EYS: variants seen among roughly 807,000 people sequenced by gnomAD.
The protein encoded by EYS is protein eyes shut homolog.
In EYS, 250 loss-of-function variants were observed where a neutral mutation model predicts 282.1. The ratio of observed to expected loss-of-function variants is 0.89; its 90% CI spans 0.80 to 0.98. EYS has a LOEUF of 0.98. EYS is among the 50% of genes least tolerant of loss of function. The pLI is 0.00. For missense variants in EYS, 4,016 were observed against 3,709.0 expected (o/e 1.08, Z -2.15); for synonymous variants, 1,355 against 1,282.9 (o/e 1.06, Z -1.20).
intron 31 of EYS, among the ~76,000 whole-genome samples, chr6:64,145,829 A>C (rs1774500957): frequency 6.6e-6 from 1 of 152,154 alleles, no homozygotes; most frequent in Non-Finnish European, 1.5e-5. Context: ...GCTGTCATCC[A>C]ATAATGACTT....
At chr6:65,682,664 C>T (rs750165100) in intron 1 of EYS, among the ~76,000 whole-genome samples, 11 of 151,834 alleles carry the variant, frequency 7.2e-5, no homozygotes, top group South Asian at 2.1e-4. Context: ...TCATGCTCTC[C>T]GGGAGCTCCA....
At chr6:65,500,602 T>G (rs934422452) in intron 2 of EYS, among the ~76,000 whole-genome samples, 2 of 151,974 alleles carry the variant, frequency 1.3e-5, no homozygotes, top group African/African-American at 4.8e-5. Context: ...AAAATAGAGT[T>G]AAAATCTCAT....
chr6:64,556,556 T>C (rs1428901159), intron 26 of EYS, among the ~76,000 whole-genome samples: 3 of 151,978 alleles, frequency 2.0e-5, no homozygotes, highest in Non-Finnish European at 4.4e-5. Context: ...TGATTATATG[T>C]AAACTATACA....
intron 33 of EYS, among the ~76,000 whole-genome samples, chr6:64,029,302 T>C (rs1288878825): frequency 6.6e-6 from 1 of 152,190 alleles, no homozygotes; most frequent in Non-Finnish European, 1.5e-5. Context: ...GAAATTGATG[T>C]AGTAGCAAAA....
At chr6:64,989,399 A>ATATATATATATATATATATATATG (rs1770973574) in intron 14 of EYS, among the ~76,000 whole-genome samples, 1 of 119,372 alleles carries the variant, frequency 8.4e-6, no homozygotes, top group Non-Finnish European at 1.7e-5. Flanking sequence ...GCTGTAATAT[A>ATATATATATATATATATATATATG]TATATATATA....
chr6:64,620,607 C>T (rs558317038), intron 23 of EYS, among the ~76,000 whole-genome samples: 4 of 152,036 alleles, frequency 2.6e-5, no homozygotes, highest in Non-Finnish European at 4.4e-5. Flanking sequence ...TGAAGAAACA[C>T]GTAAGATGAA....
intron 26 of EYS, among the ~76,000 whole-genome samples, chr6:64,481,715 C>T (rs894454827): frequency 1.1e-4 from 17 of 151,438 alleles, no homozygotes; most frequent in African/African-American, 4.1e-4. Flanking sequence ...CAAAGAATCT[C>T]GGTGTTACAT....
At chr6:64,421,157 C>T (rs1163404129) in intron 28 of EYS, among the ~76,000 whole-genome samples, 3 of 152,082 alleles carry the variant, frequency 2.0e-5, no homozygotes, top group South Asian at 2.1e-4. Context: ...GGGGAGGCCA[C>T]AAGAAACTTA....
At chr6:64,864,673 T>C (rs1449408656) in intron 19 of EYS, among the ~76,000 whole-genome samples, 1 of 151,284 alleles carries the variant, frequency 6.6e-6, no homozygotes, top group Non-Finnish European at 1.5e-5. Context: ...CGTGAGCCAC[T>C]GTGTCTGGCC....
In EYS at chr6:65,347,281, G is replaced by C. The variant is rs969748957; in HGVS notation, c.1460-3104C>G. 2.0e-5 allele frequency among the ~76,000 whole-genome samples: 3 copies of C among 151,612 alleles called. No individual in the cohort carries two copies. The East Asian group carries it at 5.8e-4, about 29-fold the overall frequency. ...GCTTAGCATTTTCCCCACATATTTA[G>C]GGATACTCTCTGTGTCTTCGTATGT... On this transcript the variant is annotated intron_variant, in intron 9 of 42. Coordinates refer to ENST00000503581, the MANE Select transcript of EYS (RefSeq NM_001142800.2).
chr6:64,237,191 A>G (rs1022903652), intron 30 of EYS, among the ~76,000 whole-genome samples: 2 of 152,220 alleles, frequency 1.3e-5, no homozygotes, highest in Admixed American at 6.5e-5. Context: ...TTCTTTATTA[A>G]TAAGTGTCAT....
chr6:65,442,116 T>A (rs1768351930), intron 5 of EYS, among the ~76,000 whole-genome samples: 1 of 151,672 alleles, frequency 6.6e-6, no homozygotes, highest in Non-Finnish European at 1.5e-5. Flanking sequence ...ACCATTGAAT[T>A]ATTTGTGTTT....
chr6:64,416,923 T>A (rs1471066872), intron 28 of EYS, among the ~76,000 whole-genome samples: 1 of 152,164 alleles, frequency 6.6e-6, no homozygotes, highest in Non-Finnish European at 1.5e-5. Flanking sequence ...GCTTTTCTGA[T>A]CCTCAGTAAA....
chr6:64,353,792 G>A (rs1771728115), intron 29 of EYS, among the ~76,000 whole-genome samples: 1 of 151,628 alleles, frequency 6.6e-6, no homozygotes, highest in African/African-American at 2.4e-5. Flanking sequence ...TTTGAAGGAA[G>A]ACTGAGGGTA....
rs144075360 is a variant in EYS, at chr6:64,057,977, A to G, written c.6725+8361T>C. 3.7e-3 allele frequency among the ~76,000 whole-genome samples: 568 copies of G among 152,226 alleles called. 3 individuals carry two copies. Among genetic ancestry groups the G allele is most frequent in the African/African-American group, 0.013 (531 of 41,548 alleles). On this transcript the variant is annotated intron_variant, in intron 33 of 42. Coordinates refer to ENST00000503581, the MANE Select transcript of EYS (RefSeq NM_001142800.2). ...CTCCAAAGCAGCTGAGATTATAGGC[A>G]TACACCATAATACCCAGCTAATTTT...
chr6:65,682,672 C>A (rs1439449319), intron 1 of EYS, among the ~76,000 whole-genome samples: 1 of 151,790 alleles, frequency 6.6e-6, no homozygotes, highest in African/African-American at 2.4e-5. Context: ...TCCGGGAGCT[C>A]CAATATAGCA....
chr6:64,852,501 C>T (rs1765916973), intron 19 of EYS, among the ~76,000 whole-genome samples: 1 of 152,078 alleles, frequency 6.6e-6, no homozygotes. Flanking sequence ...ACATTGTGAT[C>T]TTGTGAGTTG....
chr6:63,892,027 G>A (rs1773421598), intron 35 of EYS, among the ~76,000 whole-genome samples: 1 of 152,158 alleles, frequency 6.6e-6, no homozygotes, highest in Admixed American at 6.5e-5. Flanking sequence ...TACAAGGGAT[G>A]TGAAGGACTT....
At chr6:65,397,020 T>C (rs1582237843) in intron 7 of EYS, among the ~76,000 whole-genome samples, 1 of 151,872 alleles carries the variant, frequency 6.6e-6, no homozygotes, top group African/African-American at 2.4e-5. Context: ...ATTTTTATCA[T>C]CCTAACTCAT....
Sources: allele counts gnomAD v4.1 joint callset (sites outside exome capture counted in the v4.1 genomes callset), GRCh38; gene constraint gnomAD v4.1.1; transcripts MANE v1.5; gene names NCBI Gene and HGNC (gene_info 2026-07-23, HGNC 2026-07-21).